Variants in ETV6 observed in about 807,000 individuals in gnomAD.
The protein encoded by ETV6 is transcription factor ETV6.
Under a neutral mutation model 51.1 loss-of-function variants are expected in ETV6, and 16 were observed. That is an observed-to-expected ratio of 0.31 (90% confidence interval 0.21 to 0.48). The LOEUF is 0.48. ETV6 is among the 20% of genes least tolerant of loss of function. The pLI, the probability that ETV6 is intolerant of heterozygous loss-of-function variation, is 0.99. For synonymous variants in ETV6, 240 were observed against 224.1 expected (o/e 1.07, Z -0.64); for missense variants, 458 against 594.8 (o/e 0.77, Z 2.39).
intron 2 of ETV6, among the ~76,000 whole-genome samples, chr12:11,808,315 T>G (rs1945860271): frequency 1.3e-5 from 2 of 152,138 alleles, no homozygotes; most frequent in African/African-American, 4.8e-5. Flanking sequence ...TACCATCCAT[T>G]TCCCCCATGG....
chr12:11,664,128 A>G (rs1247172208), intron 1 of ETV6, among the ~76,000 whole-genome samples: 1 of 152,176 alleles, frequency 6.6e-6, no homozygotes, highest in African/African-American at 2.4e-5. Context: ...ACTTCTTTTC[A>G]CATTCAGGTG....
intron 1 of ETV6, among the ~76,000 whole-genome samples, chr12:11,698,276 C>G (rs1382356472): frequency 6.6e-6 from 1 of 152,218 alleles, no homozygotes; most frequent in Non-Finnish European, 1.5e-5. Context: ...TTTTCTATTG[C>G]TGCATAACAA....
chr12:11,867,095 A>T (rs1430234899), intron 4 of ETV6, among the ~76,000 whole-genome samples: 1 of 152,214 alleles, frequency 6.6e-6, no homozygotes, highest in Non-Finnish European at 1.5e-5. Context: ...TTCTTTCAAG[A>T]GTGAAATCCT....
At chr12:11,859,118 G>GCCT (rs1565555150) in intron 4 of ETV6, among the ~76,000 whole-genome samples, 14 of 41,800 alleles carry the variant, frequency 3.3e-4, no homozygotes, top group African/African-American at 9.7e-4. Flanking sequence ...ATATGAATCT[G>GCCT]GTTTTTTTTT....
intron 1 of ETV6, among the ~76,000 whole-genome samples, chr12:11,728,499 T>G (rs1465829157): frequency 6.6e-6 from 1 of 152,202 alleles, no homozygotes; most frequent in Non-Finnish European, 1.5e-5. Flanking sequence ...GTTGTGTGCT[T>G]CTTATGAGAA....
chr12:11,882,277 G>A (rs985127758), intron 5 of ETV6, among the ~76,000 whole-genome samples: 11 of 152,144 alleles, frequency 7.2e-5, no homozygotes, highest in Admixed American at 5.9e-4. Flanking sequence ...CAAAGAGAAC[G>A]CTGGAGTTCA....
chr12:11,652,515 G>A (rs1863924769), intron 1 of ETV6, among the ~76,000 whole-genome samples: 1 of 152,192 alleles, frequency 6.6e-6, no homozygotes, highest in South Asian at 2.1e-4. Context: ...GAATGTCAGA[G>A]GTTTTCAAGG....
At chr12:11,729,852 C>T (rs1040221498) in intron 1 of ETV6, among the ~76,000 whole-genome samples, 2 of 152,012 alleles carry the variant, frequency 1.3e-5, no homozygotes, top group Non-Finnish European at 1.5e-5. Context: ...AACTATTTTC[C>T]CCATGGTGTG....
intron 1 of ETV6, among the ~76,000 whole-genome samples, chr12:11,712,201 GTGAA>G (rs1353696220): frequency 6.6e-6 from 1 of 152,200 alleles, no homozygotes; most frequent in Non-Finnish European, 1.5e-5. Flanking sequence ...TGTAGACAAA[GTGAA>G]GTACATTCCT....
chr12:11,895,011 G>C lies in ETV6; in HGVS notation c.*3965G>C. ...GTGACACAAGGAAGCCAGTGGGGTG[G>C]GAGGGAGGCACCATAATCCCTCCCT... On this transcript the variant is annotated 3_prime_UTR_variant, in exon 8 of 8. Coordinates refer to ENST00000396373, the MANE Select transcript of ETV6 (RefSeq NM_001987.5). 4.3e-6 allele frequency: 1 copy of C among 233,692 alleles called. No individual in the cohort carries two copies. The highest frequency in any genetic ancestry group is 8.5e-6 in the Non-Finnish European group (1 of 118,076). 14.5% of individuals were successfully genotyped at this position (233,692 alleles called of 1,614,324 possible).
chr12:11,723,215 C>G (rs1865424538), intron 1 of ETV6, among the ~76,000 whole-genome samples: 1 of 152,118 alleles, frequency 6.6e-6, no homozygotes, highest in Non-Finnish European at 1.5e-5. Context: ...TTAGAACATT[C>G]CCTGCTCTAT....
chr12:11,776,129 G>T (rs1219771247), intron 2 of ETV6, among the ~76,000 whole-genome samples: 1 of 152,174 alleles, frequency 6.6e-6, no homozygotes, highest in African/African-American at 2.4e-5. Flanking sequence ...GGAAAGAGGG[G>T]CTCAAGACTA....
At chr12:11,886,093 G>C (rs762829143) in intron 7 of ETV6, 67 bp downstream of exon 7, 54 of 1,150,508 alleles carry the variant, frequency 4.7e-5, no homozygotes, top group Middle Eastern at 1.9e-4. Flanking sequence ...AACGGGGAGT[G>C]GGGGGAGACT....
At chr12:11,664,470 A>G (rs1864158237) in intron 1 of ETV6, among the ~76,000 whole-genome samples, 1 of 152,184 alleles carries the variant, frequency 6.6e-6, no homozygotes, top group African/African-American at 2.4e-5. Flanking sequence ...ATAGGGCTAA[A>G]TAAAACCAGG....
intron 1 of ETV6, among the ~76,000 whole-genome samples, chr12:11,728,139 T>G (rs367780868): frequency 1.4e-4 from 22 of 152,330 alleles, no homozygotes; most frequent in African/African-American, 5.3e-4. Flanking sequence ...TTATAACACT[T>G]GAGGCCTGTG....
At chr12:11,842,973 A>T (rs1946412269) in intron 3 of ETV6, among the ~76,000 whole-genome samples, 1 of 152,238 alleles carries the variant, frequency 6.6e-6, no homozygotes, top group African/African-American at 2.4e-5. Context: ...TGGACATCTA[A>T]AACAAGAGGC....
rs1947312648 is a variant in ETV6, at chr12:11,892,644, T to C, written c.*1598T>C. 4.3e-6 allele frequency: 1 copy of C among 233,042 alleles called. No homozygotes were observed. The highest frequency in any genetic ancestry group is 2.2e-5 in the African/African-American group (1 of 45,322). 14.4% of individuals were successfully genotyped at this position (233,042 alleles called of 1,614,324 possible). On this transcript the variant is annotated 3_prime_UTR_variant, in exon 8 of 8. Transcript: ENST00000396373. ...CACCCCCTCCTTGTTCCCCTCTGTT[T>C]CCTCTACTCAGTTGGGGGAGAAACT...
chr12:11,708,915 C>G (rs1395349646), intron 1 of ETV6, among the ~76,000 whole-genome samples: 1 of 152,126 alleles, frequency 6.6e-6, no homozygotes, highest in Non-Finnish European at 1.5e-5. Flanking sequence ...AAAATCCATT[C>G]GAAAAGGCAA....
intron 1 of ETV6, among the ~76,000 whole-genome samples, chr12:11,708,479 T>C (rs986665110): frequency 1.3e-5 from 2 of 152,192 alleles, no homozygotes; most frequent in African/African-American, 2.4e-5. Flanking sequence ...GCCACCTCCC[T>C]GGGAGGGACT....
Sources: gnomAD v4.1 joint callset for allele counts (sites outside exome capture counted in the v4.1 genomes callset) on GRCh38, gnomAD v4.1.1 for gene constraint, MANE v1.5 for transcripts, NCBI Gene and HGNC (gene_info 2026-07-23, HGNC 2026-07-21) for gene names.